Variants in NR3C2 observed in about 807,000 individuals in gnomAD.
NR3C2 encodes mineralocorticoid receptor.
In NR3C2, 15 loss-of-function variants were observed where a neutral mutation model predicts 86.4. That is an observed-to-expected ratio of 0.17 (90% CI 0.12 to 0.27). NR3C2 has a LOEUF of 0.27. NR3C2 is among the 10% of genes least tolerant of loss of function. The pLI is 1.00. For missense variants in NR3C2, 960 were observed against 1,195.6 expected (o/e 0.80, Z 2.91); for synonymous variants, 458 against 450.5 (o/e 1.02, Z -0.21).
chr4:148,435,485 G>A lies in NR3C2; in HGVS notation c.1376C>T (p.Ser459Phe). 6.2e-7 allele frequency: 1 copy of A among 1,614,118 alleles called. No individual in the cohort carries two copies. The highest frequency in any genetic ancestry group is 8.5e-7 in the Non-Finnish European group (1 of 1,180,030). The change falls in exon 2 of 9, where the codon TCC (serine) becomes TTC (phenylalanine). Residue 459 changes from serine to phenylalanine, a missense_variant. By Grantham distance (155) the Ser-to-Phe change is radical (BLOSUM62 -2). This residue lies in a region of NR3C2 where 680 missense variants were observed against 719.0 expected (regional missense o/e 0.95). Transcript: ENST00000358102. ...PFPFMDGSYF[S>F]FMDDKDYYSL... The stretch of plus-strand genomic sequence containing the variant: ...ATAATAGTCTTTATCATCCATAAAG[G>A]AAAAATACGAGCCATCCATAAATGG...
intron 2 of NR3C2, among the ~76,000 whole-genome samples, chr4:148,418,158 A>G (rs527270781): frequency 2.0e-5 from 3 of 152,218 alleles, no homozygotes; most frequent in Non-Finnish European, 4.4e-5. Context: ...CAAGTGAGAA[A>G]AGAGGCGGAG....
chr4:148,233,464 G>C (rs896165277), intron 3 of NR3C2, among the ~76,000 whole-genome samples: 12 of 148,934 alleles, frequency 8.1e-5, no homozygotes, highest in African/African-American at 3.0e-4. Flanking sequence ...TGGTTTAAAT[G>C]ATCCTCACAC....
intron 4 of NR3C2, among the ~76,000 whole-genome samples, chr4:148,183,543 G>A (rs1217508270): frequency 1.3e-5 from 2 of 152,126 alleles, no homozygotes. Flanking sequence ...ATCTCACTGT[G>A]GTTTTGATTT....
At chr4:148,208,842 A>G (rs1737136432) in intron 3 of NR3C2, 1 of 152,376 alleles carries the variant, frequency 6.6e-6, no homozygotes, top group African/African-American at 2.4e-5. Flanking sequence ...ATATAGAAGG[A>G]AAATAATAAT....
intron 4 of NR3C2, among the ~76,000 whole-genome samples, chr4:148,174,584 T>C (rs1374546308): frequency 6.6e-6 from 1 of 152,176 alleles, no homozygotes; most frequent in Non-Finnish European, 1.5e-5. Context: ...ATGGAGCATG[T>C]AGGGGGCAAG....
chr4:148,427,641 AG>A (rs34152264), intron 2 of NR3C2, among the ~76,000 whole-genome samples: 2 of 151,896 alleles, frequency 1.3e-5, no homozygotes, highest in African/African-American at 2.4e-5. Flanking sequence ...AGCCATAGAA[AG>A]GGGGGGTGTC....
intron 6 of NR3C2, among the ~76,000 whole-genome samples, chr4:148,151,525 T>A (rs1427496539): frequency 1.3e-5 from 2 of 152,196 alleles, no homozygotes; most frequent in Non-Finnish European, 1.5e-5. Context: ...ATGTTTGGAA[T>A]AAAATTGTCT....
At chr4:148,368,795 C>A (rs1186221406) in intron 2 of NR3C2, among the ~76,000 whole-genome samples, 2 of 152,120 alleles carry the variant, frequency 1.3e-5, no homozygotes, top group African/African-American at 4.8e-5. Flanking sequence ...CACAGGGAGA[C>A]CCCAGAAAGC....
chr4:148,292,201 T>A (rs150098687), intron 2 of NR3C2, among the ~76,000 whole-genome samples: 1 of 152,042 alleles, frequency 6.6e-6, no homozygotes, highest in Non-Finnish European at 1.5e-5. Flanking sequence ...TTGGTCTTTA[T>A]TATACTTGAC....
intron 8 of NR3C2, among the ~76,000 whole-genome samples, chr4:148,095,121 T>C (rs1014124933): frequency 6.6e-6 from 1 of 151,936 alleles, no homozygotes; most frequent in African/African-American, 2.4e-5. Context: ...ATGGACCTAA[T>C]ACCACTGAAT....
intron 3 of NR3C2, among the ~76,000 whole-genome samples, chr4:148,249,089 T>C (rs1216964838): frequency 1.3e-5 from 2 of 152,148 alleles, no homozygotes; most frequent in South Asian, 4.1e-4. Flanking sequence ...GCCTTTATTA[T>C]ACACCAGTGA....
chr4:148,372,099 T>C (rs576175360), intron 2 of NR3C2, among the ~76,000 whole-genome samples: 26 of 152,134 alleles, frequency 1.7e-4, no homozygotes, highest in Non-Finnish European at 3.1e-4. Flanking sequence ...AAAATACACA[T>C]GCATGAAGTT....
At chr4:148,183,923 G>A (rs1233143075) in intron 4 of NR3C2, among the ~76,000 whole-genome samples, 1 of 151,958 alleles carries the variant, frequency 6.6e-6, no homozygotes, top group Non-Finnish European at 1.5e-5. Flanking sequence ...ATGGCCCCAA[G>A]GGGACATTTG....
intron 2 of NR3C2, among the ~76,000 whole-genome samples, chr4:148,389,923 A>G (rs2126485825): frequency 6.6e-6 from 1 of 152,268 alleles, no homozygotes; most frequent in South Asian, 2.1e-4. Context: ...TGACTGTAAC[A>G]CTATGCCTCA....
At chr4:148,256,020 A>C (rs1404763540) in intron 3 of NR3C2, among the ~76,000 whole-genome samples, 1 of 152,106 alleles carries the variant, frequency 6.6e-6, no homozygotes, top group Non-Finnish European at 1.5e-5. Flanking sequence ...TTGAGATAAG[A>C]CTCTGCCTTC....
At chr4:148,225,513 G>C (rs1381368644) in intron 3 of NR3C2, among the ~76,000 whole-genome samples, 1 of 152,026 alleles carries the variant, frequency 6.6e-6, no homozygotes, top group African/African-American at 2.4e-5. Context: ...TTCTGTAGGA[G>C]TTTAATTTTT....
intron 2 of NR3C2, among the ~76,000 whole-genome samples, chr4:148,309,400 A>G (rs1392619183): frequency 6.6e-6 from 1 of 152,248 alleles, no homozygotes; most frequent in Non-Finnish European, 1.5e-5. Flanking sequence ...ACACATGCAC[A>G]TGGATAAAAG....
chr4:148,374,584 T>A (rs1253225882), intron 2 of NR3C2, among the ~76,000 whole-genome samples: 1 of 152,174 alleles, frequency 6.6e-6, no homozygotes, highest in Non-Finnish European at 1.5e-5. Flanking sequence ...TAATTATATA[T>A]GTCAATGTAT....
At chr4:148,184,391 G>A (rs1023257774) in intron 4 of NR3C2, among the ~76,000 whole-genome samples, 3 of 151,724 alleles carry the variant, frequency 2.0e-5, no homozygotes, top group African/African-American at 4.8e-5. Flanking sequence ...CCCGGGAGGC[G>A]GAGGTTGCAG....
Sources: gnomAD v4.1 joint callset for allele counts (sites outside exome capture counted in the v4.1 genomes callset) on GRCh38, gnomAD v4.1.1 for gene constraint, gnomAD v4.1.1 regional missense constraint, MANE v1.5 for transcripts, NCBI Gene and HGNC (gene_info 2026-07-23, HGNC 2026-07-21) for gene names.